The following OR10J1 variants were observed in gnomAD, a reference collection of about 807,000 sequenced individuals.
OR10J1 encodes the protein olfactory receptor 10J1.
For missense variants in OR10J1, 474 were observed against 376.6 expected (o/e 1.26, Z -2.14); for synonymous variants, 202 against 143.8 (o/e 1.40, Z -2.89).
At position 159,440,289 on chromosome 1, in the gene OR10J1, A is replaced by G; in HGVS notation, c.498A>G (p.Leu166=). 1.2e-6 allele frequency: 2 copies of G among 1,614,120 alleles called. No homozygotes were observed. Among genetic ancestry groups the G allele is most frequent in the Non-Finnish European group, 1.7e-6 (2 of 1,180,018 alleles). ...CGCAAGTGACATCTGTATTCAGGTT[A>G]CCCTTCTGTGCTAGAAAGGTGCCCC... is the stretch of plus-strand genomic sequence containing the variant. ...AITQVTSVFR[L]PFCARKVPHF... Residue 166 remains leucine, a synonymous_variant, in exon 1 of 1, where the codon TTA becomes TTG. Coordinates refer to ENST00000423932, the MANE Select transcript of OR10J1 (RefSeq NM_012351.3).
chr1:159,432,615 G>C, the OR10J1 span: 98 of 464,216 alleles, frequency 2.1e-4, no homozygotes, highest in East Asian at 2.8e-3. Flanking sequence ...AGTCATCATG[G>C]GCAAAAAGGC....
the OR10J1 span, among the ~76,000 whole-genome samples, chr1:159,415,400 G>A: frequency 1.3e-5 from 2 of 152,022 alleles, no homozygotes; most frequent in Non-Finnish European, 2.9e-5. Context: ...ATGCATTTCT[G>A]AATTCTCTAT....
the OR10J1 span, among the ~76,000 whole-genome samples, chr1:159,424,620 G>C: frequency 6.6e-6 from 1 of 151,860 alleles, no homozygotes; most frequent in South Asian, 2.1e-4. Context: ...GAAAACTTTG[G>C]AAAATAAGAC....
chr1:159,431,306 T>C, the OR10J1 span, among the ~76,000 whole-genome samples: 2 of 152,296 alleles, frequency 1.3e-5, no homozygotes, highest in African/African-American at 2.4e-5. Context: ...GGCAGTGCTT[T>C]CTACCTTGAC....
the OR10J1 span, among the ~76,000 whole-genome samples, chr1:159,404,787 TA>T: frequency 1.3e-5 from 2 of 152,202 alleles, no homozygotes; most frequent in South Asian, 4.1e-4. Flanking sequence ...AGATAAATTC[TA>T]TCTATATGTG....
upstream of OR10J1, chr1:159,433,132 C>A: frequency 2.4e-6 from 1 of 416,478 alleles, no homozygotes; most frequent in East Asian, 3.4e-5. Flanking sequence ...GAAAGCCTCT[C>A]TCTTAGGTGC....
chr1:159,420,310 A>T, the OR10J1 span, among the ~76,000 whole-genome samples: 1 of 152,094 alleles, frequency 6.6e-6, no homozygotes, highest in African/African-American at 2.4e-5. Context: ...AGTTCAATGT[A>T]TTTACATTTA....
the OR10J1 span, among the ~76,000 whole-genome samples, chr1:159,430,122 G>T: frequency 6.6e-6 from 1 of 151,564 alleles, no homozygotes; most frequent in Non-Finnish European, 1.5e-5. Flanking sequence ...TTATCAAGTG[G>T]AAAAAATGAA....
At chr1:159,429,858 G>T in the OR10J1 span, among the ~76,000 whole-genome samples, 1 of 152,090 alleles carries the variant, frequency 6.6e-6, no homozygotes, top group Non-Finnish European at 1.5e-5. Flanking sequence ...GGTAGGTTCT[G>T]TTTTATTTCT....
the OR10J1 span, among the ~76,000 whole-genome samples, chr1:159,417,851 TATA>T: frequency 6.6e-6 from 1 of 152,314 alleles, no homozygotes; most frequent in African/African-American, 2.4e-5. Context: ...CCAAAATTCT[TATA>T]ATGATATGGA....
the OR10J1 span, among the ~76,000 whole-genome samples, chr1:159,427,050 G>A: frequency 6.6e-6 from 1 of 151,752 alleles, no homozygotes; most frequent in Non-Finnish European, 1.5e-5. Context: ...AGAGAGACAA[G>A]TGCTCTTGAC....
the OR10J1 span, among the ~76,000 whole-genome samples, chr1:159,413,062 A>T: frequency 6.6e-6 from 1 of 152,372 alleles, no homozygotes; most frequent in South Asian, 2.1e-4. Flanking sequence ...GAAGACATTT[A>T]TGCAGCCAGA....
At chr1:159,402,520 C>T in the OR10J1 span, among the ~76,000 whole-genome samples, 3 of 151,770 alleles carry the variant, frequency 2.0e-5, no homozygotes, top group African/African-American at 4.8e-5. Context: ...AATAGCCACA[C>T]ATAAAATGAA....
At chr1:159,439,463 G>A (rs371733307), upstream of OR10J1, among the ~76,000 whole-genome samples, 5 of 152,210 alleles carry the variant, frequency 3.3e-5, no homozygotes, top group East Asian at 7.7e-4. Flanking sequence ...TGAAGAGTAG[G>A]AAAGAAATAA....
At chr1:159,432,112 C>A in the OR10J1 span, 4 of 399,514 alleles carry the variant, frequency 1.0e-5, no homozygotes, top group East Asian at 1.4e-4. Flanking sequence ...AGTGCCTGCA[C>A]ATGGCTGATG....
chr1:159,425,226 T>C, the OR10J1 span, among the ~76,000 whole-genome samples: 1 of 152,092 alleles, frequency 6.6e-6, no homozygotes, highest in Non-Finnish European at 1.5e-5. Context: ...TTGAAGAGGT[T>C]CTCCATCAAA....
the OR10J1 span, among the ~76,000 whole-genome samples, chr1:159,414,200 C>T: frequency 6.6e-6 from 1 of 152,088 alleles, no homozygotes; most frequent in Non-Finnish European, 1.5e-5. Flanking sequence ...TAACTTCTAA[C>T]TGTATGTTTG....
the OR10J1 span, among the ~76,000 whole-genome samples, chr1:159,424,216 C>CAA: frequency 7.1e-5 from 7 of 98,462 alleles, no homozygotes; most frequent in East Asian, 2.9e-4. Flanking sequence ...ACTCCATCTC[C>CAA]AAAAAAAAAA....
At position 159,440,670 on chromosome 1, in the gene OR10J1, T is replaced by A; in HGVS notation, c.879T>A (p.Asn293Lys). ...LLNPVVYTLR[N>K]KEVKDALCRA... is the part of the protein sequence containing the mutation. ...ACCCTGTGGTATACACCCTGAGAAA[T>A]AAAGAGGTCAAAGATGCTCTGTGCA... The change falls in exon 1 of 1, where the codon AAT (asparagine) becomes AAA (lysine). Residue 293 changes from asparagine to lysine, a missense_variant. Transcript: ENST00000423932. 6.2e-7 allele frequency: 1 copy of A among 1,613,792 alleles called. No homozygotes were observed. The highest frequency in any genetic ancestry group is 8.5e-7 in the Non-Finnish European group (1 of 1,179,932).
Sources: gnomAD v4.1 joint callset for allele counts (sites outside exome capture counted in the v4.1 genomes callset) on GRCh38, gnomAD v4.1.1 for gene constraint, MANE v1.5 for transcripts, NCBI Gene and HGNC (gene_info 2026-07-23, HGNC 2026-07-21) for gene names.